CAPRIN1: variants seen among roughly 807,000 people sequenced by gnomAD.
CAPRIN1 encodes the protein caprin-1.
CAPRIN1 carries 29 observed loss-of-function variants against 100.9 expected under a neutral mutation model. The observed-to-expected ratio is 0.29, with a 90% CI of 0.21 to 0.39. CAPRIN1 has a LOEUF of 0.39. CAPRIN1 is among the 10% of genes least tolerant of loss of function. The probability of loss-of-function intolerance (pLI) is 1.00; values close to 1 mark genes in which losing one functional copy is unlikely to be tolerated. For synonymous variants in CAPRIN1, 338 were observed against 307.5 expected (o/e 1.10, Z -1.04); for missense variants, 795 against 876.7 (o/e 0.91, Z 1.18).
At chr11:34,060,860 A>G (rs1396724171) in intron 2 of CAPRIN1, among the ~76,000 whole-genome samples, 2 of 152,352 alleles carry the variant, frequency 1.3e-5, no homozygotes, top group South Asian at 2.1e-4. Context: ...GAATTATGCT[A>G]AGGAATAGCT....
intron 2 of CAPRIN1, among the ~76,000 whole-genome samples, chr11:34,065,200 G>A (rs1174003295): frequency 6.6e-6 from 1 of 151,978 alleles, no homozygotes; most frequent in Non-Finnish European, 1.5e-5. Flanking sequence ...CCGACCTCGT[G>A]ATCTGCCCGC....
At chr11:34,070,881 T>C (rs1850793387) in intron 2 of CAPRIN1, among the ~76,000 whole-genome samples, 1 of 151,928 alleles carries the variant, frequency 6.6e-6, no homozygotes. Context: ...TTTGTATTTT[T>C]AGTAGAGACG....
chr11:34,069,430 G>A lies in CAPRIN1; in HGVS notation c.217-2296G>A, dbSNP rs925906961. ...CCCAAAATGCTGGGATTACAGGTGTGAGCCACCGGGCCTGGTCTAGTTTTT... is the reference window on the plus strand; with the variant it reads ...CCCAAAATGCTGGGATTACAGGTGTAAGCCACCGGGCCTGGTCTAGTTTTT... On this transcript the variant is annotated intron_variant, in intron 2 of 18. Transcript: ENST00000341394. Among the ~76,000 whole-genome samples the A allele has an allele frequency of 2.6e-4, 40 of 152,164 alleles. 1 individual carries two copies. The highest frequency in any genetic ancestry group is 8.4e-4 in the African/African-American group (35 of 41,512).
At chr11:34,088,090 C>T (rs2134127104) in intron 11 of CAPRIN1, among the ~76,000 whole-genome samples, 1 of 152,288 alleles carries the variant, frequency 6.6e-6, no homozygotes, top group South Asian at 2.1e-4. Context: ...GCAACCCCTG[C>T]CTCCCGGGTT....
At chr11:34,091,674 C>T in intron 14 of CAPRIN1, 1 of 340,936 alleles carries the variant, frequency 2.9e-6, no homozygotes, top group East Asian at 4.7e-5. Flanking sequence ...TTTTAATTCC[C>T]TACTTCCATT....
rs542543181 is a variant in CAPRIN1, at chr11:34,054,901, A to T, written c.216+2265A>T. Among the ~76,000 whole-genome samples, 3 of 152,342 alleles carry T rather than the reference A, an allele frequency of 2.0e-5. No homozygotes were observed. The South Asian group carries it at 6.2e-4, about 32-fold the overall frequency. ...TAATTATGAACATTAATGATTAGTG[A>T]TATAAAGTGTAGAGACATTAATGAC... On this transcript the variant is annotated intron_variant, in intron 2 of 18. Coordinates refer to ENST00000341394, the MANE Select transcript of CAPRIN1 (RefSeq NM_005898.5).
At chr11:34,064,302 TC>T (rs1367127651) in intron 2 of CAPRIN1, among the ~76,000 whole-genome samples, 1 of 152,214 alleles carries the variant, frequency 6.6e-6, no homozygotes, top group African/African-American at 2.4e-5. Flanking sequence ...GACAAGCTAT[TC>T]CTTGTATATT....
Position 34,101,907 on chromosome 11 carries a change from T to A in CAPRIN1, c.*2540T>A, listed in dbSNP as rs1851460416. On this transcript the variant is annotated 3_prime_UTR_variant, in exon 19 of 19. Coordinates refer to ENST00000341394, the MANE Select transcript of CAPRIN1 (RefSeq NM_005898.5). ...AGCTCACATACAAAATACTTTTGTA[T>A]ATGCATAATATAAATCATCTCATGT... Among the ~76,000 whole-genome samples, 1 of 152,336 alleles carries A rather than the reference T, an allele frequency of 6.6e-6. No homozygotes were observed. Among genetic ancestry groups the A allele is most frequent in the African/African-American group, 2.4e-5 (1 of 41,590 alleles).
Position 34,090,175 on chromosome 11 carries a change from C to T in CAPRIN1, c.1294-4C>T, listed in dbSNP as rs1851235088. 5 of 1,583,310 alleles carry T rather than the reference C, an allele frequency of 3.2e-6. No individual in the cohort carries two copies. Among genetic ancestry groups the T allele is most frequent in the Admixed American group, 1.7e-5 (1 of 59,350 alleles). Reference sequence around the variant, plus strand: ...GAAGCTTTTATTTCTTTACTTATGTCTAGGTTCCTTTGGTATCATCCACAA... The same window carrying T: ...GAAGCTTTTATTTCTTTACTTATGTTTAGGTTCCTTTGGTATCATCCACAA... On this transcript the variant is annotated splice_region_variant and splice_polypyrimidine_tract_variant and intron_variant, in intron 12 of 18. Coordinates refer to ENST00000341394, the MANE Select transcript of CAPRIN1 (RefSeq NM_005898.5).
At chr11:34,083,095 T>G in intron 9 of CAPRIN1, 54 bp downstream of exon 9, 1 of 1,171,490 alleles carries the variant, frequency 8.5e-7, no homozygotes, top group Admixed American at 1.7e-5. Flanking sequence ...TTAGTAATTT[T>G]TATCTCTACT....
chr11:34,052,865 C>T, intron 2 of CAPRIN1: 2 of 1,415,314 alleles, frequency 1.4e-6, no homozygotes, highest in Non-Finnish European at 1.8e-6. Flanking sequence ...CGGCACTGTA[C>T]CCCAGGCCTC....
intron 15 of CAPRIN1, among the ~76,000 whole-genome samples, chr11:34,092,892 G>A (rs1332947466): frequency 6.6e-6 from 1 of 152,040 alleles, no homozygotes; most frequent in Non-Finnish European, 1.5e-5. Context: ...TCACTTTGTT[G>A]CCCGGGCTGG....
chr11:34,091,763 T>C, intron 14 of CAPRIN1, 143 bp from the exon 15 acceptor site: 1 of 679,868 alleles, frequency 1.5e-6, no homozygotes, highest in South Asian at 1.9e-5. Context: ...GGAGGGATTT[T>C]TGTATGTGTG....
intron 2 of CAPRIN1, among the ~76,000 whole-genome samples, chr11:34,066,116 C>G (rs1850686776): frequency 6.6e-6 from 1 of 152,024 alleles, no homozygotes; most frequent in South Asian, 2.1e-4. Context: ...CCTGGGACTG[C>G]AGGTGCGCGC....
At chr11:34,097,893 G>T in intron 18 of CAPRIN1, 132 bp downstream of exon 18, 1 of 1,448,170 alleles carries the variant, frequency 6.9e-7, no homozygotes, top group Non-Finnish European at 9.1e-7. Context: ...TAAATGAAAT[G>T]CTCTGTTTCT....
At chr11:34,097,409 C>G in intron 17 of CAPRIN1, 113 bp downstream of exon 17, 1 of 869,572 alleles carries the variant, frequency 1.1e-6, no homozygotes, top group South Asian at 1.6e-5. Context: ...TTTGTGGTGT[C>G]CAAGACACTC....
chr11:34,093,680 G>C (rs1851307583), intron 15 of CAPRIN1, among the ~76,000 whole-genome samples: 1 of 152,048 alleles, frequency 6.6e-6, no homozygotes. Flanking sequence ...GCTTCCAAAT[G>C]ATAAAAACTA....
intron 7 of CAPRIN1, among the ~76,000 whole-genome samples, chr11:34,081,498 CT>C (rs576042440): frequency 0.14 from 20,178 of 143,482 alleles, 1,339 homozygotes; most frequent in African/African-American, 0.16. Flanking sequence ...TGTGCCCAGC[CT>C]TTTTTTTTTT....
chr11:34,086,933 TCTGGATTTTATTACCTTA>T (rs1231501487), intron 11 of CAPRIN1, among the ~76,000 whole-genome samples: 1 of 152,218 alleles, frequency 6.6e-6, no homozygotes, highest in Non-Finnish European at 1.5e-5. Flanking sequence ...TAGGAGAATT[TCTGGATTTTATTACCTTA>T]AAAAAATACA....
Sources: allele counts gnomAD v4.1 joint callset (sites outside exome capture counted in the v4.1 genomes callset), GRCh38; gene constraint gnomAD v4.1.1; transcripts MANE v1.5; gene names NCBI Gene and HGNC (gene_info 2026-07-23, HGNC 2026-07-21).